The following ADAMTSL1 variants were observed in gnomAD, a reference collection of about 807,000 sequenced individuals.
ADAMTSL1 encodes ADAMTS like 1.
In ADAMTSL1, 126 loss-of-function variants were observed where a neutral mutation model predicts 201.8. The ratio of observed to expected loss-of-function variants is 0.62; its 90% CI spans 0.54 to 0.72. The LOEUF is 0.72. Among genes scored for constraint, ADAMTSL1 ranks in the 30% least tolerant of loss-of-function variants. The pLI is 0.00. For missense variants in ADAMTSL1, 2,679 were observed against 2,277.8 expected (o/e 1.18, Z -3.59); for synonymous variants, 1,121 against 903.4 (o/e 1.24, Z -4.32).
At chr9:18,826,848 A>G (rs936246550) in intron 22 of ADAMTSL1, among the ~76,000 whole-genome samples, 9 of 152,248 alleles carry the variant, frequency 5.9e-5, no homozygotes, top group Non-Finnish European at 8.8e-5. Context: ...GAATCAGATA[A>G]AAACTATGGA....
chr9:18,084,528 A>T (rs1823657312), intron 1 of ADAMTSL1, among the ~76,000 whole-genome samples: 2 of 151,962 alleles, frequency 1.3e-5, no homozygotes, highest in African/African-American at 4.8e-5. Context: ...TCTCAAAAAA[A>T]AAAGAAAAGA....
At chr9:18,315,094 A>G (rs1168378290) in intron 2 of ADAMTSL1, among the ~76,000 whole-genome samples, 1 of 151,564 alleles carries the variant, frequency 6.6e-6, no homozygotes, top group East Asian at 1.9e-4. Flanking sequence ...GACCCTACCC[A>G]CATCCTGCTG....
intron 2 of ADAMTSL1, among the ~76,000 whole-genome samples, chr9:18,245,575 G>T (rs866454344): frequency 1.1e-4 from 17 of 152,236 alleles, no homozygotes; most frequent in Non-Finnish European, 1.9e-4. Flanking sequence ...ATATAACTGG[G>T]TAGTCCTTAG....
intron 10 of ADAMTSL1, among the ~76,000 whole-genome samples, chr9:18,678,755 C>T (rs753162369): frequency 3.9e-5 from 6 of 152,146 alleles, no homozygotes; most frequent in African/African-American, 1.2e-4. Flanking sequence ...AATGTGAATA[C>T]ATACTTATGT....
At chr9:18,137,600 G>A (rs1424636313) in intron 1 of ADAMTSL1, among the ~76,000 whole-genome samples, 3 of 152,218 alleles carry the variant, frequency 2.0e-5, no homozygotes, top group South Asian at 4.2e-4. Context: ...TGCAATAGAC[G>A]AATTTTTCCA....
At chr9:18,209,770 T>C (rs1027800926) in intron 2 of ADAMTSL1, among the ~76,000 whole-genome samples, 4 of 152,156 alleles carry the variant, frequency 2.6e-5, no homozygotes, top group African/African-American at 9.6e-5. Context: ...CTTTGTTCTG[T>C]TTGAGTGACA....
intron 20 of ADAMTSL1, among the ~76,000 whole-genome samples, chr9:18,797,005 T>C (rs1822465772): frequency 6.6e-6 from 1 of 152,200 alleles, no homozygotes; most frequent in Non-Finnish European, 1.5e-5. Context: ...TTTAATACGA[T>C]TAATAGAAAC....
At chr9:18,086,611 C>T (rs942859228) in intron 1 of ADAMTSL1, among the ~76,000 whole-genome samples, 1 of 152,114 alleles carries the variant, frequency 6.6e-6, no homozygotes, top group Non-Finnish European at 1.5e-5. Context: ...AGAACTTGTA[C>T]TCTACACTGT....
intron 2 of ADAMTSL1, among the ~76,000 whole-genome samples, chr9:18,283,504 G>T (rs1832871832): frequency 6.6e-6 from 1 of 151,178 alleles, no homozygotes. Flanking sequence ...TACTTGGGAG[G>T]CTGTGGCAGG....
At chr9:18,409,475 C>A (rs1818342494) in intron 2 of ADAMTSL1, among the ~76,000 whole-genome samples, 1 of 150,342 alleles carries the variant, frequency 6.7e-6, no homozygotes, top group African/African-American at 2.4e-5. Context: ...ACAACCTAAT[C>A]AAAAACTGAC....
intron 2 of ADAMTSL1, among the ~76,000 whole-genome samples, chr9:18,196,225 T>A (rs1156301733): frequency 2.6e-5 from 4 of 152,042 alleles, no homozygotes; most frequent in Non-Finnish European, 5.9e-5. Context: ...CTAAGATAAA[T>A]CCATTTGGCT....
chr9:18,615,407 C>T (rs536892755), intron 4 of ADAMTSL1, among the ~76,000 whole-genome samples: 9 of 152,298 alleles, frequency 5.9e-5, no homozygotes, highest in Middle Eastern at 3.4e-3. Context: ...AGGCACAGAT[C>T]ACAGATGAAA....
intron 2 of ADAMTSL1, among the ~76,000 whole-genome samples, chr9:18,236,775 T>A (rs1470670127): frequency 6.6e-6 from 1 of 152,230 alleles, no homozygotes; most frequent in East Asian, 1.9e-4. Flanking sequence ...TATATACTTT[T>A]GGAAAATGCA....
intron 1 of ADAMTSL1, among the ~76,000 whole-genome samples, chr9:17,922,934 C>A (rs942165405): frequency 6.6e-6 from 1 of 152,146 alleles, no homozygotes; most frequent in Non-Finnish European, 1.5e-5. Flanking sequence ...AAAGCCCCAA[C>A]CCTTACGCCC....
chr9:18,401,568 T>C (rs1282816040), intron 2 of ADAMTSL1, among the ~76,000 whole-genome samples: 1 of 152,144 alleles, frequency 6.6e-6, no homozygotes, highest in East Asian at 1.9e-4. Flanking sequence ...ATCTGTAAAG[T>C]AGGAAAGTGA....
At chr9:18,647,488 A>G (rs931621794) in intron 7 of ADAMTSL1, among the ~76,000 whole-genome samples, 2 of 151,870 alleles carry the variant, frequency 1.3e-5, no homozygotes, top group African/African-American at 4.8e-5. Context: ...TAGGGTGTCA[A>G]TTTTGGATCT....
At chr9:18,348,134 C>A (rs1323046509) in intron 2 of ADAMTSL1, among the ~76,000 whole-genome samples, 1 of 152,178 alleles carries the variant, frequency 6.6e-6, no homozygotes, top group Non-Finnish European at 1.5e-5. Flanking sequence ...ACTTACTAAT[C>A]TTTTTAGCAG....
At position 18,206,053 on chromosome 9, in the gene ADAMTSL1, C is replaced by CA. The variant is rs71333031; in HGVS notation, c.207+42104dup. 3.2e-3 allele frequency among the ~76,000 whole-genome samples: 176 copies of CA among 54,346 alleles called. 18 individuals are homozygous for CA. Among genetic ancestry groups the CA allele is most frequent in the South Asian group, 5.0e-3 (5 of 1,000 alleles). 35.7% of individuals were successfully genotyped at this position (54,346 alleles called of 152,430 possible). A position where few individuals can be genotyped will look rare whatever the true frequency, so the allele number is the denominator to read the frequency against. On this transcript the variant is annotated intron_variant, in intron 2 of 29. Coordinates refer to the ADAMTSL1 transcript ENST00000680146. ...TGGGCAACAAAGTGAGACTCCATCTCAAAAAAAAAAAAAAAAAAAAAAAAA... is the reference window on the plus strand; with the variant it reads ...TGGGCAACAAAGTGAGACTCCATCTCAAAAAAAAAAAAAAAAAAAAAAAAAA...
chr9:18,525,458 T>C (rs1187313886), intron 2 of ADAMTSL1, among the ~76,000 whole-genome samples: 2 of 152,214 alleles, frequency 1.3e-5, no homozygotes, highest in African/African-American at 2.4e-5. Context: ...TCTGCTCTGA[T>C]CTTAGTAGTT....
Sources: gnomAD v4.1 joint callset for allele counts (sites outside exome capture counted in the v4.1 genomes callset) on GRCh38, gnomAD v4.1.1 for gene constraint, MANE v1.5 for transcripts, NCBI Gene and HGNC (gene_info 2026-07-23, HGNC 2026-07-21) for gene names.